PRICKLE2: variants seen among roughly 807,000 people sequenced by gnomAD.
PRICKLE2 encodes the protein prickle planar cell polarity protein 2.
In PRICKLE2, 21 loss-of-function variants were observed where a neutral mutation model predicts 81.4. That is an observed-to-expected ratio of 0.26 (90% confidence interval 0.18 to 0.37). The LOEUF (loss-of-function observed/expected upper bound fraction) is 0.37, where lower values mean the gene tolerates loss of function less well. Ranked by LOEUF, PRICKLE2 falls within the 10% of genes least tolerant of loss-of-function variation. The pLI is 1.00. For synonymous variants in PRICKLE2, 456 were observed against 421.5 expected, an observed-to-expected ratio of 1.08 and a Z score of -1.00; for missense variants, 940 against 1,109.0, an observed-to-expected ratio of 0.85 and a Z score of 2.16.
intron 1 of PRICKLE2, among the ~76,000 whole-genome samples, chr3:64,223,004 T>C (rs1195841519): frequency 6.6e-6 from 1 of 152,212 alleles, no homozygotes; most frequent in Non-Finnish European, 1.5e-5. Context: ...TTCTGGATAA[T>C]ATACTTTATT....
rs77394356 is a variant in PRICKLE2, at chr3:64,133,671, A to G, written c.1660+13159T>C. Among the ~76,000 whole-genome samples the G allele has an allele frequency of 7.4e-3, 1,124 of 152,240 alleles. 13 individuals are homozygous for G. Among genetic ancestry groups the G allele is most frequent in the African/African-American group, 0.025 (1,047 of 41,548 alleles). ...TTCTCACATGTGAAGGCTGGGCTCT[A>G]TTAGCATTAATAGGGGTAACATGGG... is the stretch of plus-strand genomic sequence containing the variant. On this transcript the variant is annotated intron_variant, in intron 7 of 7. Coordinates refer to ENST00000638394, the MANE Select transcript of PRICKLE2 (RefSeq NM_198859.4).
At chr3:64,181,409 G>A (rs1029242849) in intron 2 of PRICKLE2, among the ~76,000 whole-genome samples, 1 of 152,150 alleles carries the variant, frequency 6.6e-6, no homozygotes, top group African/African-American at 2.4e-5. Context: ...TGCTATCACA[G>A]TCTTCATCCA....
intron 2 of PRICKLE2, among the ~76,000 whole-genome samples, chr3:64,193,712 A>T (rs907890341): frequency 6.6e-6 from 1 of 152,132 alleles, no homozygotes; most frequent in Non-Finnish European, 1.5e-5. Flanking sequence ...TAATTGAATC[A>T]TTGGGGCAGG....
chr3:64,261,788 G>C (rs1325860523), intron 2 of PRICKLE2, among the ~76,000 whole-genome samples: 1 of 152,132 alleles, frequency 6.6e-6, no homozygotes, highest in Non-Finnish European at 1.5e-5. Context: ...GCACGGGCTA[G>C]AACTTGTTAA....
At chr3:64,179,295 C>T (rs1187121640) in intron 2 of PRICKLE2, among the ~76,000 whole-genome samples, 2 of 151,932 alleles carry the variant, frequency 1.3e-5, no homozygotes, top group African/African-American at 2.4e-5. Flanking sequence ...AGGCTGGACT[C>T]GAACTCACTA....
chr3:64,112,446 C>A (rs961652466), intron 7 of PRICKLE2, among the ~76,000 whole-genome samples: 5 of 152,026 alleles, frequency 3.3e-5, no homozygotes, highest in African/African-American at 9.7e-5. Context: ...ACAACAGAAC[C>A]AATTACTAGA....
intron 2 of PRICKLE2, among the ~76,000 whole-genome samples, chr3:64,266,141 A>G (rs1427628693): frequency 1.3e-5 from 2 of 151,968 alleles, no homozygotes; most frequent in East Asian, 3.9e-4. Context: ...AAATACTCAA[A>G]TCTCCTGGTA....
At chr3:64,133,429 T>C (rs1489769811) in intron 7 of PRICKLE2, among the ~76,000 whole-genome samples, 1 of 152,178 alleles carries the variant, frequency 6.6e-6, no homozygotes, top group Admixed American at 6.5e-5. Context: ...GAGCTGATAA[T>C]GATCTCAGTG....
intron 7 of PRICKLE2, among the ~76,000 whole-genome samples, chr3:64,134,033 A>T (rs1318668632): frequency 6.6e-6 from 1 of 152,196 alleles, no homozygotes; most frequent in Non-Finnish European, 1.5e-5. Context: ...CAAATAATAC[A>T]AGTAATAGTT....
intron 2 of PRICKLE2, among the ~76,000 whole-genome samples, chr3:64,166,390 C>G (rs780247573): frequency 1.1e-4 from 16 of 152,124 alleles, no homozygotes; most frequent in Non-Finnish European, 1.9e-4. Context: ...CATGACATGA[C>G]TGAGTGAAGG....
intron 7 of PRICKLE2, among the ~76,000 whole-genome samples, chr3:64,106,884 C>A (rs72874620): frequency 0.022 from 3,421 of 152,278 alleles, 131 homozygotes; most frequent in African/African-American, 0.077. Context: ...ACCCCTACAT[C>A]CTCTGGAGGA....
intron 2 of PRICKLE2, among the ~76,000 whole-genome samples, chr3:64,166,905 T>C (rs947788676): frequency 7.2e-5 from 11 of 152,180 alleles, no homozygotes; most frequent in African/African-American, 2.7e-4. Flanking sequence ...GTTTAGATGC[T>C]GGACTTTCCA....
At chr3:64,211,127 C>T (rs577418597) in intron 1 of PRICKLE2, among the ~76,000 whole-genome samples, 3 of 152,246 alleles carry the variant, frequency 2.0e-5, no homozygotes, top group African/African-American at 7.2e-5. Context: ...GGTTGAAGAC[C>T]ACTCCTTGGT....
At chr3:64,249,845 C>T (rs761140040) in intron 2 of PRICKLE2, among the ~76,000 whole-genome samples, 3 of 152,148 alleles carry the variant, frequency 2.0e-5, no homozygotes, top group Admixed American at 6.5e-5. Flanking sequence ...TAGTATAGCG[C>T]CTTGCACACA....
At chr3:64,121,233 T>A (rs1164090840) in intron 7 of PRICKLE2, among the ~76,000 whole-genome samples, 20 of 152,150 alleles carry the variant, frequency 1.3e-4, no homozygotes, top group Admixed American at 1.3e-3. Context: ...TTCCAAACTA[T>A]CCTCTCTGGA....
At position 64,266,624 on chromosome 3, in the gene PRICKLE2, G is replaced by A. The variant is rs563834615; in HGVS notation, c.129-67657C>T. Reference sequence around the variant, plus strand: ...ATTGCCCAACAGGCTGGGAAGATTTGGCAATTGATGATTTGAAAAGGAAAG... The same window carrying A: ...ATTGCCCAACAGGCTGGGAAGATTTAGCAATTGATGATTTGAAAAGGAAAG... On this transcript the variant is annotated intron_variant, in intron 2 of 8. Transcript: ENST00000295902. 9.2e-5 allele frequency among the ~76,000 whole-genome samples: 14 copies of A among 152,250 alleles called. 1 individual carries two copies. The South Asian group carries it at 2.5e-3, about 27-fold the overall frequency.
At chr3:64,178,963 TTTTCTTTC>T (rs373261746) in intron 2 of PRICKLE2, among the ~76,000 whole-genome samples, 17,557 of 110,894 alleles carry the variant, frequency 0.16, 1,380 homozygotes, top group Admixed American at 0.17. Flanking sequence ...AACATACATA[TTTTCTTTC>T]TTTCTTTCTT....
intron 2 of PRICKLE2, among the ~76,000 whole-genome samples, chr3:64,167,050 G>A (rs1230043747): frequency 6.6e-6 from 1 of 152,132 alleles, no homozygotes; most frequent in Non-Finnish European, 1.5e-5. Context: ...ACTACTGTAT[G>A]GCCCAAAACA....
chr3:64,259,956 A>G (rs2079592258), intron 2 of PRICKLE2, among the ~76,000 whole-genome samples: 1 of 152,190 alleles, frequency 6.6e-6, no homozygotes, highest in Non-Finnish European at 1.5e-5. Flanking sequence ...GCCCTAGGAA[A>G]TGAACACTCT....
Sources: gnomAD v4.1 joint callset for allele counts (sites outside exome capture counted in the v4.1 genomes callset) on GRCh38, gnomAD v4.1.1 for gene constraint, MANE v1.5 for transcripts, NCBI Gene and HGNC (gene_info 2026-07-23, HGNC 2026-07-21) for gene names.